Variants in KAZN observed in about 807,000 individuals in gnomAD.
KAZN encodes kazrin, periplakin interacting protein.
In KAZN, 40 loss-of-function variants were observed where a neutral mutation model predicts 87.4. The observed-to-expected ratio is 0.46, with a 90% CI of 0.36 to 0.60. The LOEUF (loss-of-function observed/expected upper bound fraction) is 0.60. Among genes scored for constraint, KAZN ranks in the 20% least tolerant of loss-of-function variants. The pLI is 0.00. For missense variants in KAZN, 898 were observed against 1,073.9 expected, an observed-to-expected ratio of 0.84 and a Z score of 2.29; for synonymous variants, 466 against 458.3, an observed-to-expected ratio of 1.02 and a Z score of -0.22.
chr1:14,329,088 A>C (rs1394377398), intron 2 of KAZN, among the ~76,000 whole-genome samples: 1 of 152,188 alleles, frequency 6.6e-6, no homozygotes, highest in Admixed American at 6.5e-5. Flanking sequence ...ATGGAGTTAG[A>C]TCCAGGTGCT....
At chr1:14,265,278 G>A (rs907222356) in intron 2 of KAZN, among the ~76,000 whole-genome samples, 3 of 152,142 alleles carry the variant, frequency 2.0e-5, no homozygotes, top group African/African-American at 7.2e-5. Context: ...TGGGCTCAGA[G>A]ATGCTCATAC....
intron 1 of KAZN, among the ~76,000 whole-genome samples, chr1:14,152,146 T>C (rs10928037): frequency 0.52 from 78,484 of 151,688 alleles, 20,695 homozygotes; most frequent in East Asian, 0.61. Context: ...GCATCCATCA[T>C]CTCAGACATT....
chr1:14,979,119 G>T (rs1003170816), intron 2 of KAZN, among the ~76,000 whole-genome samples: 1 of 151,950 alleles, frequency 6.6e-6, no homozygotes, highest in African/African-American at 2.4e-5. Context: ...GGCCAGGCTG[G>T]TCTCGAACTC....
intron 1 of KAZN, among the ~76,000 whole-genome samples, chr1:13,905,369 G>A (rs1639396968): frequency 6.6e-6 from 1 of 152,132 alleles, no homozygotes; most frequent in African/African-American, 2.4e-5. Flanking sequence ...TAATTTCCAG[G>A]CTGGATATTT....
intron 1 of KAZN, among the ~76,000 whole-genome samples, chr1:14,042,624 A>G (rs1330787890): frequency 6.6e-6 from 1 of 152,126 alleles, no homozygotes; most frequent in African/African-American, 2.4e-5. Context: ...CCCAAATTGT[A>G]CTTGGGTTTC....
At chr1:14,701,201 A>G (rs562604282) in intron 1 of KAZN, among the ~76,000 whole-genome samples, 2 of 152,324 alleles carry the variant, frequency 1.3e-5, no homozygotes, top group East Asian at 1.9e-4. Flanking sequence ...ACTGCACTTA[A>G]GCCCAACCTC....
intron 2 of KAZN, among the ~76,000 whole-genome samples, chr1:14,327,622 C>T (rs1656532193): frequency 6.6e-6 from 1 of 152,190 alleles, no homozygotes; most frequent in Non-Finnish European, 1.5e-5. Context: ...GCCCCTTGAA[C>T]ACAAGTGCCC....
intron 1 of KAZN, among the ~76,000 whole-genome samples, chr1:14,872,123 C>T (rs987030605): frequency 6.6e-6 from 1 of 152,178 alleles, no homozygotes; most frequent in Non-Finnish European, 1.5e-5. Context: ...AATTACCCTT[C>T]TTTGGAAGGA....
chr1:14,656,165 G>T (rs935053824), intron 1 of KAZN, among the ~76,000 whole-genome samples: 1 of 152,054 alleles, frequency 6.6e-6, no homozygotes, highest in Non-Finnish European at 1.5e-5. Context: ...CAGGACACAC[G>T]TTCAGGCGCA....
intron 1 of KAZN, among the ~76,000 whole-genome samples, chr1:13,970,012 T>G (rs544392271): frequency 6.6e-6 from 1 of 152,178 alleles, no homozygotes; most frequent in Non-Finnish European, 1.5e-5. Context: ...AAAAAGCAAA[T>G]GCAAAACTTG....
chr1:14,035,260 G>A (rs1366548412), intron 1 of KAZN, among the ~76,000 whole-genome samples: 1 of 152,058 alleles, frequency 6.6e-6, no homozygotes, highest in African/African-American at 2.4e-5. Context: ...AAAAATTGCA[G>A]TAGATACCAG....
chr1:14,643,532 T>C (rs533557966), intron 1 of KAZN, among the ~76,000 whole-genome samples: 1 of 152,264 alleles, frequency 6.6e-6, no homozygotes, highest in Non-Finnish European at 1.5e-5. Flanking sequence ...TATTCCATGA[T>C]GTTTATGTAC....
intron 2 of KAZN, among the ~76,000 whole-genome samples, chr1:14,419,774 C>T (rs550658110): frequency 7.9e-5 from 12 of 151,946 alleles, no homozygotes; most frequent in South Asian, 4.2e-4. Context: ...TGTTGTTTGT[C>T]CCTCCCATCC....
intron 3 of KAZN, among the ~76,000 whole-genome samples, chr1:15,042,040 C>T (rs779001786): frequency 2.1e-4 from 32 of 152,316 alleles, no homozygotes; most frequent in Admixed American, 7.2e-4. Flanking sequence ...CCTGCTGCCG[C>T]GGAATATGAC....
At chr1:14,678,330 C>T (rs1174757279) in intron 1 of KAZN, among the ~76,000 whole-genome samples, 2 of 152,194 alleles carry the variant, frequency 1.3e-5, no homozygotes, top group Non-Finnish European at 2.9e-5. Context: ...TACCCTCGAA[C>T]ATCAGACTCC....
intron 1 of KAZN, among the ~76,000 whole-genome samples, chr1:14,896,416 C>A (rs1218620210): frequency 2.0e-5 from 3 of 152,188 alleles, no homozygotes; most frequent in East Asian, 3.8e-4. Flanking sequence ...TTTGTAATAT[C>A]AGTTCGGGTT....
chr1:14,351,726 G>A (rs1007725037), intron 2 of KAZN, among the ~76,000 whole-genome samples: 2 of 152,184 alleles, frequency 1.3e-5, no homozygotes, highest in African/African-American at 4.8e-5. Context: ...CTCAAGGGAA[G>A]TACTCTCACT....
chr1:15,065,998 GTAAT>G (rs2100567507), intron 8 of KAZN: 1 of 1,334,184 alleles, frequency 7.5e-7, no homozygotes, highest in African/African-American at 1.5e-5. Context: ...CGCCACCTCT[GTAAT>G]TGATGTACAT....
intron 1 of KAZN, among the ~76,000 whole-genome samples, chr1:14,102,393 C>A (rs11590050): frequency 0.15 from 22,322 of 152,208 alleles, 2,168 homozygotes; most frequent in Middle Eastern, 0.26. Flanking sequence ...TGCTGGCTTC[C>A]TCCATCCAAT....
Sources: allele counts gnomAD v4.1 joint callset (sites outside exome capture counted in the v4.1 genomes callset), GRCh38; gene constraint gnomAD v4.1.1; transcripts MANE v1.5; gene names NCBI Gene and HGNC (gene_info 2026-07-23, HGNC 2026-07-21).